Variants in KCNAB1 observed in about 807,000 individuals in gnomAD.
KCNAB1 encodes potassium voltage-gated channel subfamily A regulatory beta subunit 1, also known as voltage-gated potassium channel subunit beta-1.
Under a neutral mutation model 64.6 loss-of-function variants are expected in KCNAB1, and 35 were observed. That is an observed-to-expected ratio of 0.54 (90% CI 0.41 to 0.72). The LOEUF (loss-of-function observed/expected upper bound fraction) is 0.72. KCNAB1 is among the 30% of genes least tolerant of loss of function. The pLI is 0.00. For synonymous variants in KCNAB1, 177 were observed against 183.8 expected, an observed-to-expected ratio of 0.96 and a Z score of 0.30; for missense variants, 401 against 512.9, an observed-to-expected ratio of 0.78 and a Z score of 2.11.
At chr3:156,286,783 C>A (rs557229361) in intron 1 of KCNAB1, among the ~76,000 whole-genome samples, 4 of 152,224 alleles carry the variant, frequency 2.6e-5, no homozygotes, top group African/African-American at 9.6e-5. Flanking sequence ...TTTAAAGCCC[C>A]TCTCATAAGG....
intron 1 of KCNAB1, among the ~76,000 whole-genome samples, chr3:156,314,224 G>A (rs1722123587): frequency 6.6e-6 from 1 of 152,222 alleles, no homozygotes; most frequent in South Asian, 2.1e-4. Context: ...GGAGGTGAGA[G>A]TAAAAAGGCA....
intron 1 of KCNAB1, among the ~76,000 whole-genome samples, chr3:156,404,151 G>T (rs999993437): frequency 1.3e-5 from 2 of 152,196 alleles, no homozygotes; most frequent in African/African-American, 4.8e-5. Context: ...AGTTTAAAGT[G>T]AAATTACTTC....
chr3:156,172,122 A>G (rs1237334300), intron 1 of KCNAB1, among the ~76,000 whole-genome samples: 3 of 152,140 alleles, frequency 2.0e-5, no homozygotes, highest in African/African-American at 7.2e-5. Context: ...AAACTTGTCA[A>G]TTTTCTTCGT....
intron 1 of KCNAB1, among the ~76,000 whole-genome samples, chr3:156,279,728 C>CCT (rs1719575897): frequency 1.3e-5 from 2 of 152,180 alleles, no homozygotes; most frequent in Non-Finnish European, 2.9e-5. Context: ...TGATGATGAG[C>CCT]ATTTTTTCAT....
At chr3:156,273,244 C>T (rs758736450) in intron 1 of KCNAB1, among the ~76,000 whole-genome samples, 1 of 152,190 alleles carries the variant, frequency 6.6e-6, no homozygotes, top group Non-Finnish European at 1.5e-5. Context: ...AGGTTACACG[C>T]CCTCCAAATC....
chr3:156,137,439 G>C (rs1301277873), intron 1 of KCNAB1, among the ~76,000 whole-genome samples: 1 of 152,006 alleles, frequency 6.6e-6, no homozygotes, highest in Non-Finnish European at 1.5e-5. Context: ...CTGTTGTGTT[G>C]TATTCACTGA....
intron 1 of KCNAB1, among the ~76,000 whole-genome samples, chr3:156,167,242 T>A (rs1310752844): frequency 6.6e-6 from 1 of 152,136 alleles, no homozygotes; most frequent in Non-Finnish European, 1.5e-5. Flanking sequence ...AGGGTGTGGA[T>A]GTGTGGGCTG....
At chr3:156,153,684 G>T (rs944923395) in intron 1 of KCNAB1, among the ~76,000 whole-genome samples, 2 of 152,214 alleles carry the variant, frequency 1.3e-5, no homozygotes, top group Non-Finnish European at 2.9e-5. Context: ...CTGCCTGATT[G>T]TTGGATCTGA....
chr3:156,399,865 A>C (rs1713758714), intron 1 of KCNAB1, among the ~76,000 whole-genome samples: 1 of 152,194 alleles, frequency 6.6e-6, no homozygotes, highest in Non-Finnish European at 1.5e-5. Flanking sequence ...AAGCAGTATA[A>C]AATTACCGCA....
chr3:156,530,463 A>C (rs1039181969), intron 12 of KCNAB1, among the ~76,000 whole-genome samples: 3 of 152,182 alleles, frequency 2.0e-5, no homozygotes, highest in Non-Finnish European at 4.4e-5. Flanking sequence ...GTACAGGTTT[A>C]AGGTCATTTT....
chr3:156,469,248 CTTTTTTTTTT>C (rs34567814), intron 7 of KCNAB1, among the ~76,000 whole-genome samples: 2 of 72,956 alleles, frequency 2.7e-5, no homozygotes. Flanking sequence ...TTCTTTCTTT[CTTTTTTTTTT>C]TTTTTTTTTT....
At chr3:156,362,202 A>G (rs189576276) in intron 1 of KCNAB1, among the ~76,000 whole-genome samples, 2 of 152,348 alleles carry the variant, frequency 1.3e-5, no homozygotes, top group Non-Finnish European at 2.9e-5. Context: ...CTGATTTTTC[A>G]TTATTGATGC....
chr3:156,203,481 A>G (rs970793162), intron 1 of KCNAB1, among the ~76,000 whole-genome samples: 2 of 152,218 alleles, frequency 1.3e-5, no homozygotes, highest in African/African-American at 2.4e-5. Flanking sequence ...TAACCTTCCT[A>G]TGGACCGTTT....
chr3:156,285,340 T>C (rs887319407), intron 1 of KCNAB1, among the ~76,000 whole-genome samples: 1 of 152,214 alleles, frequency 6.6e-6, no homozygotes, highest in Non-Finnish European at 1.5e-5. Flanking sequence ...GCAAAAATTA[T>C]ACTAATGACT....
At chr3:156,373,159 C>A (rs1726427378) in intron 1 of KCNAB1, among the ~76,000 whole-genome samples, 1 of 152,204 alleles carries the variant, frequency 6.6e-6, no homozygotes, top group Admixed American at 6.5e-5. Context: ...AGGTCAAACA[C>A]AAGATTTCAA....
At chr3:156,260,865 A>T (rs1238307767) in intron 1 of KCNAB1, among the ~76,000 whole-genome samples, 1 of 152,202 alleles carries the variant, frequency 6.6e-6, no homozygotes, top group African/African-American at 2.4e-5. Context: ...TCTCACCAGG[A>T]AGCATGAAAG....
At chr3:156,430,345 C>T (rs921774575) in intron 2 of KCNAB1, among the ~76,000 whole-genome samples, 3 of 152,184 alleles carry the variant, frequency 2.0e-5, no homozygotes, top group Non-Finnish European at 4.4e-5. Flanking sequence ...CATGTGCATG[C>T]ATGCACGCAC....
intron 1 of KCNAB1, among the ~76,000 whole-genome samples, chr3:156,140,881 A>T (rs1039413722): frequency 1.3e-5 from 2 of 152,016 alleles, no homozygotes. Flanking sequence ...GCTTTAAGGG[A>T]GCATGTGCGC....
At chr3:156,155,256 T>C (rs759611789) in intron 1 of KCNAB1, among the ~76,000 whole-genome samples, 4 of 152,188 alleles carry the variant, frequency 2.6e-5, no homozygotes, top group African/African-American at 9.7e-5. Context: ...CAGCTCTCCA[T>C]TGAGTGCTCA....
Sources: gnomAD v4.1 joint callset for allele counts (sites outside exome capture counted in the v4.1 genomes callset) on GRCh38, gnomAD v4.1.1 for gene constraint, MANE v1.5 for transcripts, NCBI Gene and HGNC (gene_info 2026-07-23, HGNC 2026-07-21) for gene names.